Variants in FUS observed in about 807,000 individuals in gnomAD.
FUS encodes the protein FUS RNA binding protein, also known as RNA-binding protein FUS.
In FUS, 5 loss-of-function variants were observed where a neutral mutation model predicts 82.7. The observed-to-expected ratio is 0.06, with a 90% CI of 0.03 to 0.13. The LOEUF is 0.13. FUS is among the 10% of genes least tolerant of loss of function. The pLI is 1.00. For missense variants in FUS, 512 were observed against 707.8 expected (o/e 0.72, Z 3.14); for synonymous variants, 281 against 247.4 (o/e 1.14, Z -1.27).
chr16:31,187,839 T>A (rs984696930), intron 7 of FUS: 1 of 245,324 alleles, frequency 4.1e-6, no homozygotes. Flanking sequence ...AACACGGTTT[T>A]AAGGATGGTT....
In FUS at chr16:31,180,142, C is replaced by T. The variant is rs1351763361; in HGVS notation, c.-73C>T. On this transcript the variant is annotated 5_prime_UTR_variant, in exon 1 of 15. Transcript: ENST00000254108. ...CTTCGACGCAGGAGGCGGGGCTGCT[C>T]AGTCCTCCAGGCGTCGGTACTCAGC... 5.7e-6 allele frequency: 9 copies of T among 1,581,062 alleles called. No individual in the cohort carries two copies. Among genetic ancestry groups the T allele is most frequent in the Admixed American group, 3.7e-5 (2 of 54,770 alleles).
Position 31,184,223 on chromosome 16 carries a change from C to T in FUS, c.350C>T (p.Ser117Phe), listed in dbSNP as rs2079225064. 1 of 1,614,124 alleles carries T rather than the reference C, an allele frequency of 6.2e-7. No individual in the cohort carries two copies. Among genetic ancestry groups the T allele is most frequent in the Non-Finnish European group, 8.5e-7 (1 of 1,180,016 alleles). ...GTTTTCCCTAGTTACGGTAGCAGTT[C>T]TCAGAGCAGCAGCTATGGGCAGCCC... ...SSTSGSYGSS[S>F]QSSSYGQPQS... The change falls in exon 5 of 15, where the codon TCT becomes TTT. Residue 117 changes from serine (S) to phenylalanine (F), a missense_variant. Around this residue, in one of 6 missense-constraint regions of FUS, gnomAD observed 276 missense variants for 303.3 expected, o/e 0.91. Transcript: ENST00000254108.
At chr16:31,181,804 T>G (rs560967898) in intron 1 of FUS, among the ~76,000 whole-genome samples, 2 of 152,292 alleles carry the variant, frequency 1.3e-5, no homozygotes, top group South Asian at 2.1e-4. Flanking sequence ...CTGACATGAA[T>G]TGGGCTTGCA....
rs1481346824 is a variant in FUS, at chr16:31,185,009, C to T, written c.594C>T (p.Asp198=). The T allele has an allele frequency of 1.9e-6, 3 of 1,612,976 alleles. No homozygotes were observed. The highest frequency in any genetic ancestry group is 2.2e-5 in the East Asian group (1 of 44,866). The change falls in exon 6 of 15, where the codon GAC becomes GAT. Residue 198 remains aspartate, a synonymous_variant. Coordinates refer to ENST00000254108, the MANE Select transcript of FUS (RefSeq NM_004960.4). ...GGSGGGYGNQ[D]QSGGGGSGGY... ...GTGGTGGCGGTTATGGCAATCAAGA[C>T]CAGAGTGGTGGAGGTGGCAGCGGTG...
At chr16:31,180,277 C>T in intron 1 of FUS, 50 bp downstream of exon 1, 1 of 1,582,898 alleles carries the variant, frequency 6.3e-7, no homozygotes, top group Non-Finnish European at 8.6e-7. Context: ...CCGAGGCCTC[C>T]CAGCTGGGCT....
chr16:31,191,367 T>C (rs201871421), intron 14 of FUS, 32 bp from the exon 15 acceptor site: 4 of 1,609,716 alleles, frequency 2.5e-6, no homozygotes, highest in Non-Finnish European at 2.5e-6. Flanking sequence ...TCAAATATAA[T>C]GGATACTTAA....
chr16:31,186,749 C>T (rs1409281323), intron 6 of FUS, 53 bp from the exon 7 acceptor site: 7 of 1,580,956 alleles, frequency 4.4e-6, no homozygotes, highest in African/African-American at 4.0e-5. Flanking sequence ...AAAAAACAAC[C>T]TTTTGTAGCC....
At chr16:31,191,783 G>A (rs1205418113), downstream of FUS, 2 of 591,914 alleles carry the variant, frequency 3.4e-6, no homozygotes, top group Non-Finnish European at 6.3e-6. Context: ...GGGGAAAGTT[G>A]GTGTATAAAT....
chr16:31,188,553 C>T lies in FUS; in HGVS notation c.832+196C>T, dbSNP rs768265146. The T allele has an allele frequency of 2.2e-4, 146 of 657,322 alleles. 2 individuals carry two copies. Among genetic ancestry groups the T allele is most frequent in the Non-Finnish European group, 8.5e-5 (32 of 378,014 alleles). The allele number at this position is 657,322 out of a possible 1,614,324, so 40.7% of individuals were successfully genotyped here. The stretch of plus-strand genomic sequence containing the variant: ...TCAGAAATACCTGGCTTGTGGGTTC[C>T]ACCCCCAGTGATTTAGGTCTGAGAG... On this transcript the variant is annotated intron_variant, in intron 8 of 14. Transcript: ENST00000254108.
At chr16:31,180,279 A>G in intron 1 of FUS, 52 bp downstream of exon 1, 1 of 1,581,454 alleles carries the variant, frequency 6.3e-7, no homozygotes, top group Non-Finnish European at 8.6e-7. Context: ...GAGGCCTCCC[A>G]GCTGGGCTTT....
intron 1 of FUS, among the ~76,000 whole-genome samples, chr16:31,181,914 A>G (rs1056340914): frequency 2.6e-5 from 4 of 152,152 alleles, no homozygotes; most frequent in South Asian, 2.1e-4. Flanking sequence ...CTTTATTGTA[A>G]GAACACTTGG....
At chr16:31,192,040 A>C (rs1358230377), downstream of FUS, 3 of 532,910 alleles carry the variant, frequency 5.6e-6, no homozygotes, top group African/African-American at 1.9e-5. Flanking sequence ...CTTTCACAGG[A>C]AGGAGAGTAA....
downstream of FUS, chr16:31,193,551 A>G: frequency 1.9e-6 from 1 of 529,720 alleles, no homozygotes; most frequent in Non-Finnish European, 3.7e-6. Flanking sequence ...CTTGTAAGAT[A>G]TGATTACTGG....
chr16:31,194,515 C>G (rs1276559952), downstream of FUS: 1 of 499,980 alleles, frequency 2.0e-6, no homozygotes, highest in Admixed American at 2.3e-5. Context: ...TCAGGCTGGT[C>G]TGGTCTCAAA....
intron 9 of FUS, 127 bp downstream of exon 9, chr16:31,189,353 A>C (rs2079317733): frequency 7.0e-6 from 6 of 857,360 alleles, no homozygotes; most frequent in Admixed American, 1.8e-5. Flanking sequence ...TTGCCAGCTT[A>C]ATTTGTTGAG....
rs925607782 is a variant in FUS at position 31,184,228 on chromosome 16, A to T, written c.355A>T (p.Ser119Cys). Residue 119 changes from serine to cysteine, a missense_variant, in exon 5 of 15, where the codon AGC (serine) becomes TGC (cysteine). Ser to Cys is a moderately radical substitution (Grantham distance 112). Around this residue, in one of 6 missense-constraint regions of FUS, gnomAD observed 276 missense variants for 303.3 expected, o/e 0.91. Coordinates refer to ENST00000254108, the MANE Select transcript of FUS (RefSeq NM_004960.4). ...CCCTAGTTACGGTAGCAGTTCTCAG[A>T]GCAGCAGCTATGGGCAGCCCCAGAG... ...TSGSYGSSSQSSSYGQPQSGS... is the reference protein window; with the variant it reads ...TSGSYGSSSQCSSYGQPQSGS... 36 of 1,614,000 alleles carry T rather than the reference A, an allele frequency of 2.2e-5. No homozygotes were observed. Among genetic ancestry groups the T allele is most frequent in the Non-Finnish European group, 3.1e-5 (36 of 1,180,016 alleles).
downstream of FUS, chr16:31,193,973 T>A (rs918258319): frequency 5.6e-6 from 3 of 532,516 alleles, no homozygotes; most frequent in Admixed American, 4.4e-5. Context: ...ACTGAATGAT[T>A]GAAATCTGTC....
intron 1 of FUS, 144 bp from the exon 2 acceptor site, chr16:31,182,254 C>T (rs1004480033): frequency 3.1e-6 from 3 of 970,314 alleles, no homozygotes; most frequent in Non-Finnish European, 4.9e-6. Context: ...GCCTCCCAAA[C>T]TGCTGGGATT....
At position 31,189,106 on chromosome 16, in the gene FUS, C is replaced by G. The variant is rs376953672; in HGVS notation, c.833-17C>G. On this transcript the variant is annotated splice_polypyrimidine_tract_variant and intron_variant, in intron 8 of 14. Coordinates refer to ENST00000254108, the MANE Select transcript of FUS (RefSeq NM_004960.4). ...TTTTACCTTTTCACATTTGCATTTT[C>G]TCTGTTCAACAAGCAGAACAGGATA... 16 of 1,582,498 alleles carry G rather than the reference C, an allele frequency of 1.0e-5. No homozygotes were observed. The highest frequency in any genetic ancestry group is 2.2e-5 in the East Asian group (1 of 44,754).
Sources: allele counts gnomAD v4.1 joint callset (sites outside exome capture counted in the v4.1 genomes callset), GRCh38; gene constraint gnomAD v4.1.1; regional missense constraint gnomAD v4.1.1; transcripts MANE v1.5; gene names NCBI Gene and HGNC (gene_info 2026-07-23, HGNC 2026-07-21).